Variants in PIK3R3 observed in about 807,000 individuals in gnomAD.
PIK3R3 encodes phosphatidylinositol 3-kinase regulatory subunit gamma.
A neutral mutation model predicts 62.9 loss-of-function variants in PIK3R3; 64 were observed. That is an observed-to-expected ratio of 1.02 (90% CI 0.83 to 1.25). The LOEUF (loss-of-function observed/expected upper bound fraction) is 1.25, where lower values mean the gene tolerates loss of function less well. Ranked by LOEUF, PIK3R3 falls within the 50% of genes most tolerant of loss-of-function variation. The pLI is 0.00. For missense variants in PIK3R3, 614 were observed against 561.6 expected (o/e 1.09, Z -0.94); for synonymous variants, 165 against 189.0 (o/e 0.87, Z 1.04).
intron 1 of PIK3R3, among the ~76,000 whole-genome samples, chr1:46,105,435 C>T (rs1014058110): frequency 2.0e-5 from 3 of 151,422 alleles, no homozygotes; most frequent in Non-Finnish European, 2.9e-5. Flanking sequence ...ACCCAGGAAG[C>T]GGAGGTTACG....
chr1:46,072,306 T>C (rs765973791), intron 3 of PIK3R3, among the ~76,000 whole-genome samples: 20 of 152,250 alleles, frequency 1.3e-4, no homozygotes, highest in Non-Finnish European at 2.8e-4. Flanking sequence ...TGCAACTATT[T>C]ATTAAATTGA....
intron 3 of PIK3R3, among the ~76,000 whole-genome samples, chr1:46,073,431 A>G (rs1649729650): frequency 6.6e-6 from 1 of 152,180 alleles, no homozygotes; most frequent in Admixed American, 6.5e-5. Context: ...GCTGAAAAGT[A>G]TGTGATCTGG....
chr1:46,147,842 G>C, the PIK3R3 span, among the ~76,000 whole-genome samples: 2 of 152,118 alleles, frequency 1.3e-5, no homozygotes, highest in Admixed American at 6.6e-5. Flanking sequence ...AAACATCCAT[G>C]TGGGTCAGCA....
At chr1:46,140,149 T>C in the PIK3R3 span, among the ~76,000 whole-genome samples, 1 of 152,142 alleles carries the variant, frequency 6.6e-6, no homozygotes, top group African/African-American at 2.4e-5. Context: ...CCACCATGCC[T>C]GGCTAATTTT....
chr1:46,062,070 T>C lies in PIK3R3; in HGVS notation c.623A>G (p.Glu208Gly). Residue 208 changes from glutamate to glycine, a missense_variant and splice_region_variant, in exon 6 of 10, where the codon GAA (glutamate) becomes GGA (glycine). Coordinates refer to ENST00000262741, the MANE Select transcript of PIK3R3 (RefSeq NM_003629.4). The part of the protein sequence containing the change: ...LYEEYTRTSQ[E>G]IQMKRTAIEA... ...TATTGCAGTCCTCTTCATCTGTATT[T>C]CCTACAGGAGAGAAAAAGAAAAAAC... 1 of 1,598,006 alleles carries C rather than the reference T, an allele frequency of 6.3e-7. No homozygotes were observed.
chr1:46,124,753 A>G (rs930702084), intron 1 of PIK3R3, among the ~76,000 whole-genome samples: 5 of 139,076 alleles, frequency 3.6e-5, no homozygotes, highest in Non-Finnish European at 7.6e-5. Context: ...CCGAGCTCGC[A>G]CCATTGCACT....
chr1:46,104,974 TC>T (rs1309186867), intron 1 of PIK3R3: 14 of 676,628 alleles, frequency 2.1e-5, no homozygotes, highest in Non-Finnish European at 3.0e-5. Context: ...ATCTCCAAGT[TC>T]AAAGCATTCT....
intron 2 of PIK3R3, 136 bp from the exon 3 acceptor site, chr1:46,077,749 A>G: frequency 1.7e-6 from 1 of 594,042 alleles, no homozygotes; most frequent in South Asian, 2.0e-5. Flanking sequence ...TAACGGAGCC[A>G]TTTAGAGGTC....
chr1:46,137,506 A>G (rs1033080937), upstream of PIK3R3, among the ~76,000 whole-genome samples: 6 of 152,196 alleles, frequency 3.9e-5, no homozygotes, highest in Admixed American at 2.6e-4. Flanking sequence ...CAGTTTTCGC[A>G]ATTCACAATT....
chr1:46,098,223 T>C (rs1288445444), intron 1 of PIK3R3, among the ~76,000 whole-genome samples: 1 of 152,134 alleles, frequency 6.6e-6, no homozygotes, highest in Non-Finnish European at 1.5e-5. Context: ...CTACCTCACA[T>C]CCACTAGGAT....
At chr1:46,067,277 T>TATATATATAA (rs368368491) in intron 3 of PIK3R3, among the ~76,000 whole-genome samples, 186 bp from the exon 4 acceptor site, 41 of 147,324 alleles carry the variant, frequency 2.8e-4, no homozygotes, top group Middle Eastern at 3.6e-3. Flanking sequence ...TATATATATA[T>TATATATATAA]AATTCATTTT....
intron 1 of PIK3R3, chr1:46,104,925 C>CAAAAAAAA (rs757829828): frequency 1.9e-4 from 38 of 195,766 alleles, no homozygotes; most frequent in East Asian, 3.7e-4. Context: ...AAGACTCCAT[C>CAAAAAAAA]AAAAAAAAAA....
Position 46,109,632 on chromosome 1 carries a change from C to T in PIK3R3, c.106+22215G>A, listed in dbSNP as rs373449224. ...CCGAGTAGCTGGGATTACAGGCGCC[C>T]GCCAACACCCCCGGCTAGTTTTTTT... On this transcript the variant is annotated intron_variant, in intron 1 of 9. Transcript: ENST00000262741. Among the ~76,000 whole-genome samples, 635 of 151,896 alleles carry T rather than the reference C, an allele frequency of 4.2e-3. 3 individuals carry two copies. The highest frequency in any genetic ancestry group is 0.014 in the African/African-American group (580 of 41,410).
At chr1:46,090,642 T>A (rs1344715479) in intron 1 of PIK3R3, among the ~76,000 whole-genome samples, 2 of 152,304 alleles carry the variant, frequency 1.3e-5, no homozygotes, top group East Asian at 3.9e-4. Flanking sequence ...CTCCACACAG[T>A]CATTATTAAA....
chr1:46,127,856 C>T (rs1655233607), intron 1 of PIK3R3, among the ~76,000 whole-genome samples: 1 of 152,190 alleles, frequency 6.6e-6, no homozygotes, highest in Admixed American at 6.5e-5. Flanking sequence ...AGCCACCACA[C>T]CTAGCCAAAA....
intron 1 of PIK3R3, among the ~76,000 whole-genome samples, chr1:46,120,508 G>A (rs949379795): frequency 2.0e-5 from 3 of 152,206 alleles, no homozygotes; most frequent in African/African-American, 7.2e-5. Context: ...GGGAGGTGGA[G>A]GTTGCAATGA....
intron 3 of PIK3R3, among the ~76,000 whole-genome samples, chr1:46,072,645 T>C (rs977929215): frequency 1.1e-4 from 16 of 152,208 alleles, no homozygotes; most frequent in African/African-American, 3.6e-4. Flanking sequence ...AGAAGCATAT[T>C]CATCTATTAA....
At chr1:46,160,700 G>A in the PIK3R3 span, among the ~76,000 whole-genome samples, 1 of 152,246 alleles carries the variant, frequency 6.6e-6, no homozygotes, top group Non-Finnish European at 1.5e-5. Context: ...ATAGGAGAGA[G>A]GGCGTCTGTC....
chr1:46,133,918 C>G (rs1269021748), upstream of PIK3R3, among the ~76,000 whole-genome samples: 1 of 152,132 alleles, frequency 6.6e-6, no homozygotes, highest in Non-Finnish European at 1.5e-5. Flanking sequence ...CCTGACAGAC[C>G]CTCTTCCTCA....
Sources: allele counts gnomAD v4.1 joint callset (sites outside exome capture counted in the v4.1 genomes callset), GRCh38; gene constraint gnomAD v4.1.1; transcripts MANE v1.5; gene names NCBI Gene and HGNC (gene_info 2026-07-23, HGNC 2026-07-21).